The following DIP2C variants were observed in gnomAD, a reference collection of about 807,000 sequenced individuals.
DIP2C encodes the protein disco-interacting protein 2 homolog C.
A neutral mutation model predicts 192.4 loss-of-function variants in DIP2C; 33 were observed. That is an observed-to-expected ratio of 0.17 (90% confidence interval 0.13 to 0.23). DIP2C has a LOEUF of 0.23. Among genes scored for constraint, DIP2C ranks in the 10% least tolerant of loss-of-function variants. The probability of loss-of-function intolerance (pLI) is 1.00; values close to 1 mark genes in which losing one functional copy is unlikely to be tolerated. For synonymous variants in DIP2C, 979 were observed against 864.1 expected, an observed-to-expected ratio of 1.13 and a Z score of -2.33; for missense variants, 1,537 against 2,110.1, an observed-to-expected ratio of 0.73 and a Z score of 5.32.
intron 3 of DIP2C, among the ~76,000 whole-genome samples, chr10:468,875 C>CA (rs1163641628): frequency 1.3e-5 from 2 of 152,246 alleles, no homozygotes; most frequent in Non-Finnish European, 2.9e-5. Flanking sequence ...AATGACACTT[C>CA]AAGGACTGTC....
intron 1 of DIP2C, among the ~76,000 whole-genome samples, chr10:653,626 A>G (rs1315246536): frequency 6.6e-6 from 1 of 152,214 alleles, no homozygotes; most frequent in Non-Finnish European, 1.5e-5. Flanking sequence ...AATTAAAACA[A>G]GAGCCATAAC....
Position 296,013 on chromosome 10 carries a change from G to C in DIP2C, c.3987-7592C>G, listed in dbSNP as rs541797905. On this transcript the variant is annotated intron_variant, in intron 32 of 36. Coordinates refer to ENST00000280886, the MANE Select transcript of DIP2C (RefSeq NM_014974.3). ...TTGTTTAAGTTCTTTGTAGATTCTG[G>C]ATATTAGCCCTTTGTCAAATGGGTT... 9.2e-5 allele frequency among the ~76,000 whole-genome samples: 14 copies of C among 152,286 alleles called. No homozygotes were observed. The South Asian group carries it at 1.0e-3, about 11-fold the overall frequency.
intron 1 of DIP2C, among the ~76,000 whole-genome samples, chr10:618,326 C>A (rs117116887): frequency 9.6e-4 from 146 of 152,346 alleles, no homozygotes; most frequent in Middle Eastern, 3.4e-3. Context: ...GCTTGCAGGC[C>A]TGGAGAGGCA....
chr10:614,296 C>T (rs944722260), intron 1 of DIP2C, among the ~76,000 whole-genome samples: 1 of 152,244 alleles, frequency 6.6e-6, no homozygotes, highest in African/African-American at 2.4e-5. Flanking sequence ...GGGTGCATTT[C>T]CCCTGGAGAC....
intron 1 of DIP2C, among the ~76,000 whole-genome samples, chr10:513,314 C>T (rs779735872): frequency 6.6e-6 from 1 of 152,224 alleles, no homozygotes; most frequent in Non-Finnish European, 1.5e-5. Context: ...AGAAGTCAAA[C>T]TTTGCAAACT....
chr10:594,858 A>G (rs2131660558), intron 1 of DIP2C, among the ~76,000 whole-genome samples: 1 of 152,318 alleles, frequency 6.6e-6, no homozygotes, highest in East Asian at 1.9e-4. Context: ...ACTGCAGGAA[A>G]TGATGAGCCT....
intron 32 of DIP2C, among the ~76,000 whole-genome samples, chr10:308,792 T>C (rs1487303211): frequency 1.3e-5 from 2 of 152,118 alleles, no homozygotes; most frequent in East Asian, 1.9e-4. Context: ...GAGGGCCTGA[T>C]GGAAGAGCCA....
rs577674569 is a variant in DIP2C at position 338,362 on chromosome 10, C to T, written c.3584+2837G>A. ...TTCAGGTGCCGCTTACTCACCAACT[C>T]GCCAACTCACCTGGGCAACCTCCAC... On this transcript the variant is annotated intron_variant, in intron 29 of 36. Transcript: ENST00000280886. 3.3e-5 allele frequency among the ~76,000 whole-genome samples: 5 copies of T among 152,004 alleles called. No homozygotes were observed. The East Asian group carries it at 5.8e-4, about 18-fold the overall frequency.
chr10:286,091 C>A (rs1309663054), intron 34 of DIP2C, among the ~76,000 whole-genome samples, 182 bp downstream of exon 34: 1 of 152,232 alleles, frequency 6.6e-6, no homozygotes, highest in Non-Finnish European at 1.5e-5. Flanking sequence ...TAATTGTGAG[C>A]TTTCATGGAC....
At chr10:318,996 T>C (rs1253085176) in intron 31 of DIP2C, among the ~76,000 whole-genome samples, 5 of 151,136 alleles carry the variant, frequency 3.3e-5, no homozygotes, top group Non-Finnish European at 7.4e-5. Flanking sequence ...CACTGCAACC[T>C]CCACCTCCCA....
intron 1 of DIP2C, chr10:662,756 A>C: frequency 3.1e-6 from 2 of 651,380 alleles, no homozygotes; most frequent in Non-Finnish European, 5.7e-6. Context: ...AATCTAACTT[A>C]TCTTATTTCT....
intron 1 of DIP2C, among the ~76,000 whole-genome samples, chr10:488,209 G>A (rs891397356): frequency 2.0e-5 from 3 of 152,056 alleles, no homozygotes; most frequent in Admixed American, 6.6e-5. Flanking sequence ...TCCATGCCCC[G>A]CATTTTCCCC....
chr10:585,102 G>A (rs545282384), intron 1 of DIP2C, among the ~76,000 whole-genome samples: 25 of 152,214 alleles, frequency 1.6e-4, no homozygotes, highest in Non-Finnish European at 2.9e-4. Flanking sequence ...AGCAGAAAGA[G>A]CCTTGGACAC....
At chr10:338,595 A>C (rs1463553578) in intron 29 of DIP2C, among the ~76,000 whole-genome samples, 1 of 152,150 alleles carries the variant, frequency 6.6e-6, no homozygotes, top group Non-Finnish European at 1.5e-5. Context: ...TGTACCAGCC[A>C]AGTCTGTGCA....
chr10:555,159 C>T (rs995792530), intron 1 of DIP2C, among the ~76,000 whole-genome samples: 1 of 151,374 alleles, frequency 6.6e-6, no homozygotes, highest in Non-Finnish European at 1.5e-5. Context: ...CATATGAGAC[C>T]CAAAATTTAG....
chr10:465,565 G>T (rs986274518), intron 3 of DIP2C, among the ~76,000 whole-genome samples: 1 of 152,072 alleles, frequency 6.6e-6, no homozygotes, highest in African/African-American at 2.4e-5. Context: ...AGGAAACAAA[G>T]GGTATTCAAT....
chr10:457,119 C>T (rs1266048495), intron 3 of DIP2C, among the ~76,000 whole-genome samples: 2 of 152,162 alleles, frequency 1.3e-5, no homozygotes, highest in South Asian at 2.1e-4. Flanking sequence ...GGAGGAGTTG[C>T]TTATTTTCGG....
chr10:308,288 C>T (rs1564534251), intron 32 of DIP2C, among the ~76,000 whole-genome samples: 2 of 149,758 alleles, frequency 1.3e-5, no homozygotes, highest in South Asian at 4.1e-4. Context: ...GCGTGGGTGC[C>T]GACCAGAGGC....
chr10:436,976 C>A (rs1345743039), intron 4 of DIP2C, among the ~76,000 whole-genome samples: 1 of 140,750 alleles, frequency 7.1e-6, no homozygotes. Context: ...CCGAGCTCCG[C>A]CTCCTGGATG....
Sources: gnomAD v4.1 joint callset for allele counts (sites outside exome capture counted in the v4.1 genomes callset) on GRCh38, gnomAD v4.1.1 for gene constraint, MANE v1.5 for transcripts, NCBI Gene and HGNC (gene_info 2026-07-23, HGNC 2026-07-21) for gene names.